DTHD1: variants seen among roughly 807,000 people sequenced by gnomAD.
The protein encoded by DTHD1 is death domain-containing protein 1.
DTHD1 carries 59 observed loss-of-function variants against 74.8 expected under a neutral mutation model. The ratio of observed to expected loss-of-function variants is 0.79; its 90% confidence interval spans 0.64 to 0.98. DTHD1 has a LOEUF of 0.98. Among genes scored for constraint, DTHD1 ranks in the 50% least tolerant of loss-of-function variants. The pLI is 0.00. For missense variants in DTHD1, 1,051 were observed against 1,065.4 expected (o/e 0.99, Z 0.19); for synonymous variants, 365 against 371.1 (o/e 0.98, Z 0.19).
intron 7 of DTHD1, among the ~76,000 whole-genome samples, chr4:36,310,066 G>A (rs1170183532): frequency 6.6e-6 from 1 of 152,200 alleles, no homozygotes; most frequent in East Asian, 1.9e-4. Flanking sequence ...ATTCCATGGT[G>A]TATATGTACC....
intron 2 of DTHD1, among the ~76,000 whole-genome samples, chr4:36,285,447 T>C (rs1755644683): frequency 6.6e-6 from 1 of 152,178 alleles, no homozygotes; most frequent in African/African-American, 2.4e-5. Flanking sequence ...TGTTCAGACC[T>C]ATTTCATTTC....
In DTHD1 at chr4:36,343,684, A is replaced by G. The variant is rs1241366338; in HGVS notation, c.2581A>G (p.Thr861Ala). Reference sequence around the variant, plus strand: ...TTGCTTCTGGAAAAAATCGCTTCCAACTTTCACCGACAAACTTCGCCTCCT... The same window carrying G: ...TTGCTTCTGGAAAAAATCGCTTCCAGCTTTCACCGACAAACTTCGCCTCCT... ...FLCFWKKSLP[T>A]FTDKLRLLAR... is the part of the protein sequence containing the mutation. The change falls in exon 10 of 10, where the codon ACT becomes GCT. Residue 861 changes from threonine (T) to alanine (A), a missense_variant. By Grantham distance (58) the Thr-to-Ala change is moderately conservative (BLOSUM62 0). Coordinates refer to ENST00000639862, the MANE Select transcript of DTHD1 (RefSeq NM_001170700.3). 2 of 1,551,694 alleles carry G rather than the reference A, an allele frequency of 1.3e-6. No homozygotes were observed. Among genetic ancestry groups the G allele is most frequent in the Non-Finnish European group, 1.7e-6 (2 of 1,146,950 alleles).
At chr4:36,322,523 A>G (rs1758091964) in intron 8 of DTHD1, among the ~76,000 whole-genome samples, 1 of 152,112 alleles carries the variant, frequency 6.6e-6, no homozygotes, top group Admixed American at 6.5e-5. Flanking sequence ...TATGGCCAGG[A>G]GAGCATCCAA....
chr4:36,326,828 C>T (rs1758375491), intron 8 of DTHD1, among the ~76,000 whole-genome samples: 1 of 152,206 alleles, frequency 6.6e-6, no homozygotes, highest in South Asian at 2.1e-4. Context: ...CACACTGTGG[C>T]AAGACCTGGG....
intron 7 of DTHD1, chr4:36,315,851 A>G (rs1757680551): frequency 6.4e-6 from 1 of 155,532 alleles, no homozygotes. Flanking sequence ...ACAAAAGACA[A>G]TGATACACAA....
rs1759440583 is a variant in DTHD1 at position 36,343,597 on chromosome 4, A to G, written c.2494A>G (p.Thr832Ala). ...LSSTLPLRRS[T>A]IQLIKLKNPD... is the part of the protein sequence containing the mutation. Reference sequence around the variant, plus strand: ...CTCAACTCTCCCTCTGCGCCGTAGCACCATTCAGCTCATCAAACTCAAGAA... The same window carrying G: ...CTCAACTCTCCCTCTGCGCCGTAGCGCCATTCAGCTCATCAAACTCAAGAA... The change falls in exon 10 of 10, where the codon ACC becomes GCC. Residue 832 changes from threonine (T) to alanine (A), a missense_variant. Physicochemically the swap from Thr to Ala is moderately conservative, Grantham distance 58. Transcript: ENST00000639862. 3 of 1,551,672 alleles carry G rather than the reference A, an allele frequency of 1.9e-6. No homozygotes were observed. In the East Asian group the frequency reaches 7.3e-5, roughly 38 times the overall value.
At chr4:36,332,525 A>G (rs1300090036) in intron 8 of DTHD1, among the ~76,000 whole-genome samples, 1 of 152,160 alleles carries the variant, frequency 6.6e-6, no homozygotes, top group African/African-American at 2.4e-5. Flanking sequence ...CACAATGGCA[A>G]TTGTCTTTCC....
In DTHD1 at chr4:36,293,531, C is replaced by T; in HGVS notation, c.1224C>T (p.Thr408=). ...LEGMKGGYKG[T]CASVKVYKLG... is the part of the protein sequence containing the mutation. The stretch of plus-strand genomic sequence containing the variant: ...ATGTTCTTTATTCTATACAGGGGAC[C>T]TGTGCTTCAGTAAAAGTTTACAAAT... Residue 408 remains threonine, a synonymous_variant, in exon 4 of 10, where the codon ACC becomes ACT. Transcript: ENST00000639862. 6.5e-7 allele frequency: 1 copy of T among 1,538,584 alleles called. No individual in the cohort carries two copies. Among genetic ancestry groups the T allele is most frequent in the African/African-American group, 1.4e-5 (1 of 72,690 alleles).
Position 36,345,559 on chromosome 4 carries a change from T to C in DTHD1, c.*1735T>C, listed in dbSNP as rs1454713393. The C allele has an allele frequency of 1.3e-5, 2 of 152,192 alleles. No homozygotes were observed. The highest frequency in any genetic ancestry group is 3.8e-4 in the East Asian group (2 of 5,196). 9.4% of individuals were successfully genotyped at this position (152,192 alleles called of 1,614,324 possible). Reference sequence around the variant, plus strand: ...GGATTTAGATATCTATTCAGGTATATATCAAAAAAGGCGATTCCCATTTTC... The same window carrying C: ...GGATTTAGATATCTATTCAGGTATACATCAAAAAAGGCGATTCCCATTTTC... On this transcript the variant is annotated 3_prime_UTR_variant, in exon 10 of 10. Coordinates refer to ENST00000639862, the MANE Select transcript of DTHD1 (RefSeq NM_001170700.3).
chr4:36,344,734 G>GT lies in DTHD1; in HGVS notation c.*915dup, dbSNP rs966747399. ...CCCCTTCCCAGCATGGCCTAAACTA[G>GT]TTTTTCAGGATAACTTTGAAATGCC... On this transcript the variant is annotated 3_prime_UTR_variant, in exon 10 of 10. Transcript: ENST00000639862. The GT allele has an allele frequency of 6.6e-6, 1 of 152,146 alleles. No homozygotes were observed. Among genetic ancestry groups the GT allele is most frequent in the African/African-American group, 2.4e-5 (1 of 41,452 alleles). The allele number at this position is 152,146 out of a possible 1,614,324, so 9.4% of individuals were successfully genotyped here. A position where few individuals can be genotyped will look rare whatever the true frequency, so the allele number is the denominator to read the frequency against.
At chr4:36,293,741 A>G (rs1253560724) in intron 4 of DTHD1, 36 bp downstream of exon 4, 1 of 1,444,470 alleles carries the variant, frequency 6.9e-7, no homozygotes, top group Non-Finnish European at 9.2e-7. Context: ...TCCTGCTCAT[A>G]GATTTTGTGG....
At chr4:36,308,558 T>C (rs1578459928) in intron 7 of DTHD1, 65 bp downstream of exon 7, 3 of 1,342,858 alleles carry the variant, frequency 2.2e-6, no homozygotes, top group East Asian at 2.5e-5. Flanking sequence ...TCAGAAGAGT[T>C]TGCTAAACTT....
chr4:36,283,912 T>G lies in DTHD1; in HGVS notation c.272-64T>G, dbSNP rs574729210. 88 of 1,140,524 alleles carry G rather than the reference T, an allele frequency of 7.7e-5. No homozygotes were observed. In the African/African-American group the frequency reaches 1.2e-3, roughly 16 times the overall value. 70.7% of individuals were successfully genotyped at this position (1,140,524 alleles called of 1,614,324 possible). ...CTTGCCATGTTTCATTAGATGTCAG[T>G]GCAGAAACATAATTTGGTTTAGTTT... is the stretch of plus-strand genomic sequence containing the variant. On this transcript the variant is annotated intron_variant, in intron 1 of 9. Transcript: ENST00000639862.
chr4:36,283,055 C>A (rs909917369), intron 1 of DTHD1, among the ~76,000 whole-genome samples: 2 of 152,086 alleles, frequency 1.3e-5, no homozygotes, highest in Non-Finnish European at 2.9e-5. Flanking sequence ...AAGAAAAGCC[C>A]TGACTGGTGA....
Position 36,316,467 on chromosome 4 carries a change from T to C in DTHD1, c.2321T>C (p.Leu774Ser). Residue 774 changes from leucine to serine, a missense_variant, in exon 8 of 10, where the codon TTA becomes TCA. By Grantham distance (145) the Leu-to-Ser change is moderately radical (BLOSUM62 -2). Transcript: ENST00000639862. ...CATTCTCAGTTGCCAATTTGCAAAT[T>C]ACCATTGAAATTGCCAAAGGTGAGT... ...ENHSQLPICK[L>S]PLKLPKHKKL... 6.5e-7 allele frequency: 1 copy of C among 1,549,156 alleles called. No individual in the cohort carries two copies. The highest frequency in any genetic ancestry group is 8.7e-7 in the Non-Finnish European group (1 of 1,146,334).
Position 36,293,590 on chromosome 4 carries a change from A to G in DTHD1, c.1283A>G (p.Lys428Arg). 2 of 1,550,154 alleles carry G rather than the reference A, an allele frequency of 1.3e-6. No homozygotes were observed. The highest frequency in any genetic ancestry group is 1.7e-6 in the Non-Finnish European group (2 of 1,145,932). Residue 428 changes from lysine to arginine, a missense_variant, in exon 4 of 10, where the codon AAA (lysine) becomes AGA (arginine). Lys to Arg is a conservative substitution (Grantham distance 26, BLOSUM62 2). Transcript: ENST00000639862. ...TTTTCTGTTGTGTCTTGTTTAAAGA[A>G]AGAGTCGTTCACAGTAACAAAGAAA... Reference protein sequence around the residue: ...GIFSVVSCLKKESFTVTKKGL... With the variant: ...GIFSVVSCLKRESFTVTKKGL...
chr4:36,322,343 T>C (rs950425858), intron 8 of DTHD1, among the ~76,000 whole-genome samples: 1 of 152,148 alleles, frequency 6.6e-6, no homozygotes, highest in Non-Finnish European at 1.5e-5. Context: ...TTGCATTTTA[T>C]GGACCAAAAA....
At chr4:36,297,192 G>A (rs1178149899) in intron 5 of DTHD1, among the ~76,000 whole-genome samples, 1 of 152,070 alleles carries the variant, frequency 6.6e-6, no homozygotes, top group Non-Finnish European at 1.5e-5. Flanking sequence ...AGTGGCAGAG[G>A]AGCAAGAAAA....
intron 5 of DTHD1, among the ~76,000 whole-genome samples, chr4:36,301,640 T>C (rs1756778627): frequency 6.6e-6 from 1 of 152,216 alleles, no homozygotes; most frequent in Admixed American, 6.5e-5. Flanking sequence ...AAAATGGATT[T>C]GGGTTTCTGT....
Sources: gnomAD v4.1 joint callset for allele counts (sites outside exome capture counted in the v4.1 genomes callset) on GRCh38, gnomAD v4.1.1 for gene constraint, MANE v1.5 for transcripts, NCBI Gene and HGNC (gene_info 2026-07-23, HGNC 2026-07-21) for gene names.